DAB1: variants seen among roughly 807,000 people sequenced by gnomAD.
DAB1 encodes DAB adaptor protein 1.
In DAB1, 15 loss-of-function variants were observed where a neutral mutation model predicts 64.6. The ratio of observed to expected loss-of-function variants is 0.23; its 90% confidence interval spans 0.16 to 0.36. DAB1 has a LOEUF of 0.36. Among genes scored for constraint, DAB1 ranks in the 10% least tolerant of loss-of-function variants. DAB1 has a pLI of 1.00. For missense variants in DAB1, 596 were observed against 706.7 expected (o/e 0.84, Z 1.78); for synonymous variants, 235 against 251.9 (o/e 0.93, Z 0.64).
chr1:57,358,427 C>T (rs1349679607), intron 1 of DAB1, among the ~76,000 whole-genome samples: 2 of 151,866 alleles, frequency 1.3e-5, no homozygotes, highest in Admixed American at 6.6e-5. Flanking sequence ...TGTCTTCATT[C>T]TGTTACAGTG....
At chr1:57,175,168 C>G (rs1022794625) in intron 2 of DAB1, among the ~76,000 whole-genome samples, 6 of 152,040 alleles carry the variant, frequency 3.9e-5, no homozygotes, top group African/African-American at 1.2e-4. Context: ...AGGCAGCACT[C>G]CAATTAGCAA....
intron 7 of DAB1, among the ~76,000 whole-genome samples, chr1:57,516,675 C>T (rs1449558880): frequency 2.6e-5 from 4 of 152,198 alleles, no homozygotes; most frequent in Non-Finnish European, 5.9e-5. Context: ...CTTCTTTCCA[C>T]TCCTGCTGCT....
intron 9 of DAB1, among the ~76,000 whole-genome samples, chr1:57,028,359 A>G (rs144029287): frequency 1.1e-3 from 163 of 152,290 alleles, no homozygotes; most frequent in African/African-American, 3.8e-3. Flanking sequence ...GCCATGTGGA[A>G]TTGTGAGTCC....
chr1:58,164,121 TG>T (rs1655689858), intron 4 of DAB1, among the ~76,000 whole-genome samples: 1 of 145,206 alleles, frequency 6.9e-6, no homozygotes, highest in Admixed American at 7.1e-5. Context: ...ATGCACTGTG[TG>T]GGGAGGGTAA....
intron 14 of DAB1, among the ~76,000 whole-genome samples, chr1:56,999,011 G>A (rs1645742274): frequency 6.6e-6 from 1 of 152,178 alleles, no homozygotes; most frequent in Admixed American, 6.5e-5. Context: ...TGACCTTTAT[G>A]CTGTCACTCT....
intron 2 of DAB1, among the ~76,000 whole-genome samples, chr1:57,157,111 C>T (rs78147929): frequency 0.062 from 9,446 of 152,204 alleles, 421 homozygotes; most frequent in East Asian, 0.19. Context: ...GCTCTAAAGA[C>T]CATTAATGGC....
chr1:57,523,716 G>C (rs970926345), intron 7 of DAB1, among the ~76,000 whole-genome samples: 1 of 152,082 alleles, frequency 6.6e-6, no homozygotes, highest in Non-Finnish European at 1.5e-5. Flanking sequence ...GAGGCCTGGA[G>C]TTTGTGACCA....
At chr1:57,843,934 C>T (rs1653163325) in intron 1 of DAB1, among the ~76,000 whole-genome samples, 1 of 152,218 alleles carries the variant, frequency 6.6e-6, no homozygotes. Flanking sequence ...CCAGGTTTGA[C>T]CCATTCTGGA....
chr1:57,121,573 A>AAGG (rs1395269569), intron 4 of DAB1, among the ~76,000 whole-genome samples: 2 of 152,106 alleles, frequency 1.3e-5, no homozygotes, highest in African/African-American at 4.8e-5. Context: ...AAAGAAAAAG[A>AAGG]AAAAAGAAAA....
Position 58,043,842 on chromosome 1 carries a change from C to T in DAB1, n.387+106669G>A, listed in dbSNP as rs140506838. ...TCCCAGGTTCAAGCGATTCTTCTGC[C>T]TCAGCCTCCCGAGTAGCTGGGATTA... On this transcript the variant is annotated intron_variant and non_coding_transcript_variant, in intron 5 of 20. Coordinates refer to the DAB1 transcript ENST00000485760. Among the ~76,000 whole-genome samples the T allele has an allele frequency of 3.3e-3, 508 of 152,258 alleles. 10 individuals are homozygous for T. Among genetic ancestry groups the T allele is most frequent in the East Asian group, 5.8e-3 (30 of 5,170 alleles).
Position 58,119,747 on chromosome 1 carries a change from A to C in DAB1, n.387+30764T>G, listed in dbSNP as rs371123655. On this transcript the variant is annotated intron_variant and non_coding_transcript_variant, in intron 5 of 20. Transcript: ENST00000485760. ...AATAGGACAACAGAGCATCCATGAC[A>C]GCCCTCTTCCTGGGGCAGCCACGTT... Among the ~76,000 whole-genome samples, 61 of 152,344 alleles carry C rather than the reference A, an allele frequency of 4.0e-4. No homozygotes were observed. The East Asian group carries it at 6.2e-3, about 15-fold the overall frequency.
At chr1:57,727,760 T>TTCCTTCCTTC (rs1647246742) in intron 6 of DAB1, among the ~76,000 whole-genome samples, 5 of 48,482 alleles carry the variant, frequency 1.0e-4, no homozygotes, top group Admixed American at 2.4e-4. Context: ...TTCCTTCCTC[T>TTCCTTCCTTC]CTTCCTCTCT....
intron 11 of DAB1, among the ~76,000 whole-genome samples, chr1:57,021,886 G>A (rs1646634881): frequency 6.6e-6 from 1 of 152,086 alleles, no homozygotes; most frequent in Non-Finnish European, 1.5e-5. Context: ...TGCTAGTCCT[G>A]TCACATGTCA....
intron 6 of DAB1, among the ~76,000 whole-genome samples, chr1:57,679,915 G>A (rs1646616697): frequency 6.6e-6 from 1 of 152,100 alleles, no homozygotes; most frequent in Admixed American, 6.6e-5. Context: ...ACTGTCACTG[G>A]CTTTACTTTG....
chr1:57,017,444 C>A (rs1013693959), intron 11 of DAB1, among the ~76,000 whole-genome samples: 2 of 152,128 alleles, frequency 1.3e-5, no homozygotes, highest in African/African-American at 4.8e-5. Context: ...CAGAGAGATC[C>A]AATGCAGGGT....
intron 4 of DAB1, among the ~76,000 whole-genome samples, chr1:58,296,241 GA>G (rs1202873846): frequency 2.0e-5 from 3 of 150,874 alleles, no homozygotes; most frequent in African/African-American, 7.3e-5. Context: ...AAGAAAGAAA[GA>G]AAGAAAGAAA....
chr1:57,544,765 A>G (rs1031628491), intron 7 of DAB1, among the ~76,000 whole-genome samples: 11 of 152,138 alleles, frequency 7.2e-5, no homozygotes, highest in Middle Eastern at 3.2e-3. Flanking sequence ...ACAAGACCTG[A>G]TGATTTCAAA....
At chr1:58,197,947 C>T (rs1410431828) in intron 4 of DAB1, among the ~76,000 whole-genome samples, 1 of 152,192 alleles carries the variant, frequency 6.6e-6, no homozygotes, top group African/African-American at 2.4e-5. Context: ...CTATTCCCAT[C>T]ATCACAAGTT....
At chr1:58,044,247 G>A (rs113587068) in intron 5 of DAB1, among the ~76,000 whole-genome samples, 2 of 152,012 alleles carry the variant, frequency 1.3e-5, no homozygotes, top group African/African-American at 2.4e-5. Flanking sequence ...TCCTGGTTTG[G>A]GATTGCATCT....
Sources: allele counts gnomAD v4.1 joint callset (sites outside exome capture counted in the v4.1 genomes callset), GRCh38; gene constraint gnomAD v4.1.1; transcripts MANE v1.5; gene names NCBI Gene and HGNC (gene_info 2026-07-23, HGNC 2026-07-21).